Variants in TNFSF10 observed in about 807,000 individuals in gnomAD.
TNFSF10 encodes tumor necrosis factor ligand superfamily member 10.
A neutral mutation model predicts 29.5 loss-of-function variants in TNFSF10; 13 were observed. The observed-to-expected ratio is 0.44, with a 90% confidence interval of 0.29 to 0.70. TNFSF10 has a LOEUF of 0.70. TNFSF10 is among the 30% of genes least tolerant of loss of function. TNFSF10 has a pLI of 0.13. For synonymous variants in TNFSF10, 111 were observed against 112.8 expected, an observed-to-expected ratio of 0.98 and a Z score of 0.10; for missense variants, 345 against 330.9, an observed-to-expected ratio of 1.04 and a Z score of -0.33.
Position 172,516,963 on chromosome 3 carries a change from A to T in TNFSF10, c.133-1965T>A, listed in dbSNP as rs940063442. On this transcript the variant is annotated intron_variant, in intron 1 of 4. Transcript: ENST00000241261. ...TGGACACTGTCCCAGTTCACTCAGT[A>T]TGAGTTGGCTCTGGCCAAGCTTCGG... Among the ~76,000 whole-genome samples the T allele has an allele frequency of 3.9e-5, 6 of 152,250 alleles. No individual in the cohort carries two copies. The South Asian group carries it at 1.2e-3, about 31-fold the overall frequency.
chr3:172,515,363 G>T (rs1713386769), intron 1 of TNFSF10, among the ~76,000 whole-genome samples: 1 of 152,120 alleles, frequency 6.6e-6, no homozygotes, highest in South Asian at 2.1e-4. Context: ...GTCTCTTCCA[G>T]TTCTGCCATG....
rs531730514 is a variant in TNFSF10, at chr3:172,523,279, C to T, written c.106G>A (p.Val36Met). ...LQSLCVAVTY[V>M]YFTNELKQMQ... is the part of the protein sequence containing the mutation. ...TGCTTCAGCTCGTTGGTAAAGTACA[C>T]GTAAGTTACAGCCACACAGAGAGAC... is the stretch of plus-strand genomic sequence containing the variant. The change falls in exon 1 of 5, where the codon GTG (valine) becomes ATG (methionine). Residue 36 changes from valine (V) to methionine (M), a missense_variant. Val to Met is a conservative substitution (Grantham distance 21, BLOSUM62 1). Transcript: ENST00000241261. The T allele has an allele frequency of 3.1e-6, 5 of 1,613,832 alleles. No individual in the cohort carries two copies. Among genetic ancestry groups the T allele is most frequent in the East Asian group, 2.2e-5 (1 of 44,872 alleles).
In TNFSF10 at chr3:172,514,536, A is replaced by G. The variant is rs562114863; in HGVS notation, c.270+325T>C. Among the ~76,000 whole-genome samples, 30 of 152,302 alleles carry G rather than the reference A, an allele frequency of 2.0e-4. 1 individual carries two copies. The South Asian group carries it at 6.2e-3, about 32-fold the overall frequency. On this transcript the variant is annotated intron_variant, in intron 2 of 4. Transcript: ENST00000241261. ...TGAAAAACAATGCCACACATTCTTT[A>G]TGACTTTGTGACCTTCTCTTCATTA...
At chr3:172,518,604 G>A (rs2067820797) in intron 1 of TNFSF10, 2 of 601,986 alleles carry the variant, frequency 3.3e-6, no homozygotes, top group Non-Finnish European at 5.2e-6. Context: ...GATTTCAGGG[G>A]CTAAGCCCAT....
chr3:172,511,793 G>A, intron 2 of TNFSF10, 134 bp from the exon 3 acceptor site: 1 of 704,104 alleles, frequency 1.4e-6, no homozygotes, highest in Middle Eastern at 4.0e-4. Context: ...GTTTTAAGTT[G>A]GTCAAGCATA....
At chr3:172,510,686 T>C (rs1713183498) in intron 3 of TNFSF10, among the ~76,000 whole-genome samples, 1 of 152,040 alleles carries the variant, frequency 6.6e-6, no homozygotes, top group Non-Finnish European at 1.5e-5. Context: ...CTGTAGACCA[T>C]TAATCTGGTA....
chr3:172,515,189 G>A (rs1048034530), intron 1 of TNFSF10, among the ~76,000 whole-genome samples, 191 bp from the exon 2 acceptor site: 2 of 151,672 alleles, frequency 1.3e-5, no homozygotes, highest in Non-Finnish European at 2.9e-5. Flanking sequence ...ATAAAAGTAA[G>A]CAGCTGGATA....
chr3:172,516,085 A>AC (rs1338642412), intron 1 of TNFSF10, among the ~76,000 whole-genome samples: 8 of 152,028 alleles, frequency 5.3e-5, no homozygotes, highest in African/African-American at 1.9e-4. Context: ...ACCCAGTGAA[A>AC]CCCCATCTCT....
chr3:172,510,521 T>C (rs1212931736), intron 3 of TNFSF10, among the ~76,000 whole-genome samples: 1 of 152,162 alleles, frequency 6.6e-6, no homozygotes, highest in African/African-American at 2.4e-5. Context: ...TTCCAACTGG[T>C]TATAGCAAAC....
At chr3:172,507,853 C>A (rs1713050592) in intron 4 of TNFSF10, among the ~76,000 whole-genome samples, 1 of 152,142 alleles carries the variant, frequency 6.6e-6, no homozygotes, top group Admixed American at 6.5e-5. Flanking sequence ...GGGATAAAGC[C>A]TCTGACAAAA....
intron 4 of TNFSF10, 102 bp downstream of exon 4, chr3:172,509,115 T>A (rs1426976140): frequency 1.1e-6 from 1 of 886,664 alleles, no homozygotes; most frequent in Non-Finnish European, 1.7e-6. Flanking sequence ...ATTTTGTAGA[T>A]AGCCATATAA....
chr3:172,516,036 G>T (rs1332007279), intron 1 of TNFSF10, among the ~76,000 whole-genome samples: 1 of 152,168 alleles, frequency 6.6e-6, no homozygotes, highest in Non-Finnish European at 1.5e-5. Flanking sequence ...GCCGAGGCGG[G>T]TGAATCACAA....
chr3:172,512,955 T>G (rs1158953081), intron 2 of TNFSF10, among the ~76,000 whole-genome samples: 1 of 152,226 alleles, frequency 6.6e-6, no homozygotes, highest in Non-Finnish European at 1.5e-5. Flanking sequence ...GATTTATTAT[T>G]CAGAGCTGTC....
At chr3:172,520,012 G>A (rs1036837996) in intron 1 of TNFSF10, among the ~76,000 whole-genome samples, 11 of 152,192 alleles carry the variant, frequency 7.2e-5, no homozygotes, top group African/African-American at 2.4e-4. Context: ...CCAAAGCCTT[G>A]TCTGAACTTG....
intron 1 of TNFSF10, chr3:172,517,251 G>A (rs1348952488): frequency 2.8e-5 from 23 of 829,342 alleles, no homozygotes; most frequent in Admixed American, 1.2e-4. Flanking sequence ...GGTCGTGGTG[G>A]AGCTTGTGCC....
chr3:172,519,586 T>C (rs1713592965), intron 1 of TNFSF10, among the ~76,000 whole-genome samples: 1 of 152,340 alleles, frequency 6.6e-6, no homozygotes, highest in South Asian at 2.1e-4. Context: ...TCATTAATAT[T>C]TTTTTCTTAC....
rs1044390644 is a variant in TNFSF10, at chr3:172,505,618, G to C, written c.*874C>G. The C allele has an allele frequency of 6.6e-6, 1 of 151,430 alleles. No individual in the cohort carries two copies. The highest frequency in any genetic ancestry group is 2.4e-5 in the African/African-American group (1 of 41,170). 9.4% of individuals were successfully genotyped at this position (151,430 alleles called of 1,614,324 possible). On this transcript the variant is annotated 3_prime_UTR_variant, in exon 5 of 5. Transcript: ENST00000241261. ...CCATTTTTAGTAATCTTGATATTAT[G>C]AAACAAGTGAGTACTAAAACAAAAA...
At position 172,523,235 on chromosome 3, in the gene TNFSF10, G is replaced by A. The variant is rs759327613; in HGVS notation, c.132+18C>T. ...TTGCTAAGCGCCTCGAAGACTGAGT[G>A]CACTGCACTGCACTGACCTGCTTCA... On this transcript the variant is annotated intron_variant, in intron 1 of 4. Transcript: ENST00000241261. The A allele has an allele frequency of 5.6e-6, 9 of 1,595,332 alleles. No homozygotes were observed. The South Asian group carries it at 6.7e-5, about 12-fold the overall frequency.
At chr3:172,517,065 G>A (rs1022659266) in intron 1 of TNFSF10, among the ~76,000 whole-genome samples, 9 of 152,248 alleles carry the variant, frequency 5.9e-5, no homozygotes, top group African/African-American at 1.9e-4. Flanking sequence ...ACACAGAAAG[G>A]AGGGAGCGGT....
Sources: gnomAD v4.1 joint callset for allele counts (sites outside exome capture counted in the v4.1 genomes callset) on GRCh38, gnomAD v4.1.1 for gene constraint, MANE v1.5 for transcripts, NCBI Gene and HGNC (gene_info 2026-07-23, HGNC 2026-07-21) for gene names.